SPICE1: variants seen among roughly 807,000 people sequenced by gnomAD.
The protein encoded by SPICE1 is spindle and centriole associated protein 1, also known as spindle and centriole-associated protein 1.
A neutral mutation model predicts 102.7 loss-of-function variants in SPICE1; 75 were observed. That is an observed-to-expected ratio of 0.73 (90% CI 0.61 to 0.88). SPICE1 has a LOEUF of 0.88. Ranked by LOEUF, SPICE1 falls within the 40% of genes least tolerant of loss-of-function variation. SPICE1 has a pLI of 0.00. For synonymous variants in SPICE1, 308 were observed against 350.3 expected (o/e 0.88, Z 1.35); for missense variants, 979 against 1,020.1 (o/e 0.96, Z 0.55).
At position 113,446,591 on chromosome 3, in the gene SPICE1, T is replaced by C; in HGVS notation, c.2512A>G (p.Lys838Glu). The C allele has an allele frequency of 1.2e-6, 2 of 1,612,410 alleles. No homozygotes were observed. Among genetic ancestry groups the C allele is most frequent in the Non-Finnish European group, 1.7e-6 (2 of 1,178,802 alleles). The part of the protein sequence containing the change: ...GRFTPLNPRA[K>E]IEKQNEEGWF... The stretch of plus-strand genomic sequence containing the variant: ...CACAATTACATTTTAACGTGTACCT[T>C]TGCTCTTGGATTAAGAGGTGTGAAT... The change falls in exon 17 of 18, where the codon AAG (lysine) becomes GAG (glutamate). Residue 838 changes from lysine to glutamate, a missense_variant and splice_region_variant. Coordinates refer to ENST00000295872, the MANE Select transcript of SPICE1 (RefSeq NM_144718.4).
intron 7 of SPICE1, among the ~76,000 whole-genome samples, chr3:113,481,388 A>G (rs1211076920): frequency 1.3e-5 from 2 of 151,700 alleles, no homozygotes; most frequent in African/African-American, 4.8e-5. Context: ...CTGTTGAAAA[A>G]CAGAAAAGTA....
intron 5 of SPICE1, 110 bp from the exon 6 acceptor site, chr3:113,493,422 C>A: frequency 1.2e-6 from 1 of 815,386 alleles, no homozygotes; most frequent in South Asian, 1.5e-5. Flanking sequence ...TAAACAGCAG[C>A]TCACATTAAT....
At chr3:113,488,195 T>C (rs901513809) in intron 7 of SPICE1, among the ~76,000 whole-genome samples, 7 of 152,208 alleles carry the variant, frequency 4.6e-5, no homozygotes, top group Non-Finnish European at 8.8e-5. Flanking sequence ...ATTGTGATCA[T>C]TGTACTGTGA....
At chr3:113,446,949 T>C (rs759605728) in intron 16 of SPICE1, among the ~76,000 whole-genome samples, 1 of 152,158 alleles carries the variant, frequency 6.6e-6, no homozygotes, top group Non-Finnish European at 1.5e-5. Flanking sequence ...GAGGGACTCA[T>C]GGGGAGGTAA....
At chr3:113,459,755 G>A (rs1322905549) in intron 12 of SPICE1, 5 of 717,250 alleles carry the variant, frequency 7.0e-6, no homozygotes, top group East Asian at 1.3e-4. Flanking sequence ...GGTGGCAGGC[G>A]CCTATAATCC....
At chr3:113,501,902 T>G (rs1937014382) in intron 3 of SPICE1, among the ~76,000 whole-genome samples, 1 of 152,218 alleles carries the variant, frequency 6.6e-6, no homozygotes, top group South Asian at 2.1e-4. Context: ...CTCCTAGATG[T>G]ATACATATAA....
intron 7 of SPICE1, among the ~76,000 whole-genome samples, chr3:113,478,314 A>C (rs1479878473): frequency 6.6e-6 from 1 of 152,174 alleles, no homozygotes; most frequent in African/African-American, 2.4e-5. Flanking sequence ...AGACATACTT[A>C]ATACAAAATA....
intron 1 of SPICE1, among the ~76,000 whole-genome samples, chr3:113,510,916 A>AAAAAAC (rs1937207970): frequency 6.6e-6 from 1 of 152,258 alleles, no homozygotes; most frequent in Admixed American, 6.5e-5. Context: ...TAAATTGACA[A>AAAAAAC]AAAAACAAAC....
rs995585883 is a variant in SPICE1 at position 113,443,399 on chromosome 3, T to G, written c.*1908A>C. On this transcript the variant is annotated 3_prime_UTR_variant, in exon 18 of 18. Transcript: ENST00000295872. ...AGTAACTGCAAGAAAGAGCTTCAAG[T>G]CTTGGCTTTACCTCTTACAAGCACT... The G allele has an allele frequency of 6.6e-6, 1 of 152,246 alleles. No individual in the cohort carries two copies. Among genetic ancestry groups the G allele is most frequent in the Non-Finnish European group, 1.5e-5 (1 of 68,062 alleles). The allele number at this position is 152,246 out of a possible 1,614,324, so 9.4% of individuals were successfully genotyped here. A position where few individuals can be genotyped will look rare whatever the true frequency, so the allele number is the denominator to read the frequency against.
chr3:113,459,985 C>T, intron 12 of SPICE1: 1 of 985,254 alleles, frequency 1.0e-6, no homozygotes, highest in Non-Finnish European at 1.2e-6. Flanking sequence ...TCAGCCACTT[C>T]TTAGAATCCA....
intron 12 of SPICE1, among the ~76,000 whole-genome samples, chr3:113,457,917 A>G (rs1213277968): frequency 6.6e-6 from 1 of 152,182 alleles, no homozygotes; most frequent in Non-Finnish European, 1.5e-5. Context: ...TTTAATGGTC[A>G]TCACAAGTAA....
chr3:113,475,277 T>G (rs1472663163), intron 7 of SPICE1, among the ~76,000 whole-genome samples: 1 of 152,140 alleles, frequency 6.6e-6, no homozygotes, highest in African/African-American at 2.4e-5. Context: ...GGCTCTGAAA[T>G]AGTGGCAATA....
Position 113,468,383 on chromosome 3 carries a change from T to G in SPICE1, c.911A>C (p.His304Pro). The change falls in exon 10 of 18, where the codon CAT (histidine) becomes CCT (proline). Residue 304 changes from histidine (H) to proline (P), a missense_variant. His to Pro is a moderately conservative substitution (Grantham distance 77). Coordinates refer to ENST00000295872, the MANE Select transcript of SPICE1 (RefSeq NM_144718.4). Reference sequence around the variant, plus strand: ...GTTTTTCTTCGGCTTGGAAAGAGCATGCAAATTCGGTTTCCTTTTCACTGA... The same window carrying G: ...GTTTTTCTTCGGCTTGGAAAGAGCAGGCAAATTCGGTTTCCTTTTCACTGA... ...LNKVKRKPNL[H>P]ALSKPKKNIS... The G allele has an allele frequency of 6.2e-7, 1 of 1,613,548 alleles. No homozygotes were observed. The highest frequency in any genetic ancestry group is 2.2e-5 in the East Asian group (1 of 44,870).
intron 12 of SPICE1, among the ~76,000 whole-genome samples, chr3:113,457,897 T>C (rs1033046388): frequency 2.0e-5 from 3 of 152,172 alleles, no homozygotes; most frequent in Non-Finnish European, 2.9e-5. Context: ...TTATTTGTTA[T>C]GGATAGCTTT....
intron 7 of SPICE1, among the ~76,000 whole-genome samples, chr3:113,483,082 G>C (rs1936551670): frequency 1.3e-5 from 2 of 152,050 alleles, no homozygotes; most frequent in Non-Finnish European, 1.5e-5. Context: ...TTATTTCCTT[G>C]AGCAGTGGCT....
intron 10 of SPICE1, among the ~76,000 whole-genome samples, chr3:113,467,282 A>C (rs1399618972): frequency 6.6e-6 from 1 of 152,192 alleles, no homozygotes; most frequent in African/African-American, 2.4e-5. Context: ...AAATTAAACA[A>C]ACAATTCTTT....
At chr3:113,499,767 A>C (rs937864698) in intron 3 of SPICE1, among the ~76,000 whole-genome samples, 185 bp from the exon 4 acceptor site, 4 of 152,232 alleles carry the variant, frequency 2.6e-5, no homozygotes, top group Non-Finnish European at 5.9e-5. Context: ...GATCTTAAAG[A>C]AAGCAGTATA....
At chr3:113,505,972 A>G (rs1397216334) in intron 2 of SPICE1, among the ~76,000 whole-genome samples, 2 of 152,200 alleles carry the variant, frequency 1.3e-5, no homozygotes, top group African/African-American at 2.4e-5. Flanking sequence ...CATACATCAC[A>G]TGTTACAGGT....
intron 7 of SPICE1, among the ~76,000 whole-genome samples, chr3:113,478,240 A>T (rs935332933): frequency 6.6e-6 from 1 of 152,160 alleles, no homozygotes; most frequent in Non-Finnish European, 1.5e-5. Flanking sequence ...GCTTACTTCA[A>T]TTAAAAGAAG....
Sources: gnomAD v4.1 joint callset for allele counts (sites outside exome capture counted in the v4.1 genomes callset) on GRCh38, gnomAD v4.1.1 for gene constraint, MANE v1.5 for transcripts, NCBI Gene and HGNC (gene_info 2026-07-23, HGNC 2026-07-21) for gene names.